Variants in CNTNAP5 observed in about 807,000 individuals in gnomAD.
The protein encoded by CNTNAP5 is contactin-associated protein-like 5.
A neutral mutation model predicts 150.2 loss-of-function variants in CNTNAP5; 72 were observed. The ratio of observed to expected loss-of-function variants is 0.48; its 90% CI spans 0.40 to 0.58. CNTNAP5 has a LOEUF of 0.58. CNTNAP5 is among the 20% of genes least tolerant of loss of function. CNTNAP5 has a pLI of 0.00. For synonymous variants in CNTNAP5, 672 were observed against 619.8 expected (o/e 1.08, Z -1.25); for missense variants, 1,636 against 1,626.2 (o/e 1.01, Z -0.10).
At chr2:124,253,922 A>C (rs773160772) in intron 3 of CNTNAP5, among the ~76,000 whole-genome samples, 91 of 152,038 alleles carry the variant, frequency 6.0e-4, no homozygotes, top group Middle Eastern at 3.4e-3. Context: ...AGTCTCTTTT[A>C]ATTCAAGTGT....
intron 3 of CNTNAP5, among the ~76,000 whole-genome samples, chr2:124,310,484 C>T (rs1453713761): frequency 2.6e-5 from 4 of 152,150 alleles, no homozygotes; most frequent in African/African-American, 9.7e-5. Context: ...CTTCCCATTA[C>T]AGTTTAATTT....
intron 11 of CNTNAP5, among the ~76,000 whole-genome samples, chr2:124,565,745 G>A (rs978006059): frequency 1.3e-5 from 2 of 151,674 alleles, no homozygotes; most frequent in Non-Finnish European, 2.9e-5. Context: ...GACTACAGGT[G>A]CCCACCACCA....
chr2:124,408,745 T>C (rs1458689267), intron 3 of CNTNAP5, among the ~76,000 whole-genome samples: 1 of 150,588 alleles, frequency 6.6e-6, no homozygotes, highest in East Asian at 2.0e-4. Flanking sequence ...TACATCACCA[T>C]CATCAAAGAC....
chr2:124,769,844 C>T (rs1363822224), intron 16 of CNTNAP5, among the ~76,000 whole-genome samples: 1 of 152,158 alleles, frequency 6.6e-6, no homozygotes, highest in African/African-American at 2.4e-5. Context: ...GTACAGCTTA[C>T]TACCTGTACC....
intron 10 of CNTNAP5, among the ~76,000 whole-genome samples, chr2:124,540,809 C>T (rs1695363500): frequency 6.6e-6 from 1 of 152,066 alleles, no homozygotes; most frequent in Admixed American, 6.6e-5. Context: ...CTTCAGAAAG[C>T]TCCATGGAAG....
intron 10 of CNTNAP5, among the ~76,000 whole-genome samples, chr2:124,551,540 T>C (rs1312988543): frequency 1.3e-5 from 2 of 152,188 alleles, no homozygotes; most frequent in African/African-American, 2.4e-5. Context: ...TTTTAATGTA[T>C]GCGCTTCATA....
chr2:124,707,299 G>A (rs1679711630), intron 13 of CNTNAP5, among the ~76,000 whole-genome samples: 1 of 152,174 alleles, frequency 6.6e-6, no homozygotes, highest in Admixed American at 6.5e-5. Flanking sequence ...TCTGGCAAGA[G>A]AGAAAAGATG....
intron 1 of CNTNAP5, among the ~76,000 whole-genome samples, chr2:124,079,546 C>A (rs943409977): frequency 1.3e-5 from 2 of 152,066 alleles, no homozygotes; most frequent in Non-Finnish European, 2.9e-5. Flanking sequence ...TTGTACAAAT[C>A]GTTTCAAACA....
intron 7 of CNTNAP5, among the ~76,000 whole-genome samples, chr2:124,479,168 A>G (rs926826990): frequency 4.4e-4 from 67 of 152,242 alleles, no homozygotes; most frequent in East Asian, 3.8e-4. Flanking sequence ...ACAGCACTAT[A>G]TAATAAACAA....
chr2:124,572,471 A>G lies in CNTNAP5; in HGVS notation c.1756+9148A>G, dbSNP rs138087530. ...TACCCCCAAACCGAAAATAAAATTT[A>G]AAAAGGAAGAAAGTCTTCTTAAAGA... is the stretch of plus-strand genomic sequence containing the variant. On this transcript the variant is annotated intron_variant, in intron 11 of 23. Transcript: ENST00000682447. 1.4e-3 allele frequency among the ~76,000 whole-genome samples: 216 copies of G among 152,326 alleles called. 1 individual carries two copies. Among genetic ancestry groups the G allele is most frequent in the African/African-American group, 5.0e-3 (208 of 41,576 alleles).
At position 124,312,351 on chromosome 2, in the gene CNTNAP5, ATTT is replaced by A. The variant is rs1688850466; in HGVS notation, c.381+69962_381+69964del. 2.0e-5 allele frequency among the ~76,000 whole-genome samples: 3 copies of A among 151,888 alleles called. No homozygotes were observed. The South Asian group carries it at 6.2e-4, about 32-fold the overall frequency. On this transcript the variant is annotated intron_variant, in intron 3 of 23. Transcript: ENST00000682447. Reference sequence around the variant, plus strand: ...ATGAGTTATTTCTTTTTTTATTTTTATTTTTTATTTTTCTGAGATGGAGTTTCA... The same window carrying A: ...ATGAGTTATTTCTTTTTTTATTTTTATTTATTTTTCTGAGATGGAGTTTCA...
rs1678754246 is a variant in CNTNAP5 at position 124,915,769 on chromosome 2, G to T, written c.*1481G>T. Among the ~76,000 whole-genome samples, 1 of 151,986 alleles carries T rather than the reference G, an allele frequency of 6.6e-6. No individual in the cohort carries two copies. The highest frequency in any genetic ancestry group is 2.1e-4 in the South Asian group (1 of 4,828). On this transcript the variant is annotated 3_prime_UTR_variant, in exon 24 of 24. Transcript: ENST00000682447. Reference sequence around the variant, plus strand: ...CCTTGAGCTCATCCATGGGGTGGCGGTAAAGATCTTAATGATTTTTCTGTG... The same window carrying T: ...CCTTGAGCTCATCCATGGGGTGGCGTTAAAGATCTTAATGATTTTTCTGTG...
chr2:124,028,791 T>C (rs75365494), intron 1 of CNTNAP5, among the ~76,000 whole-genome samples: 10,930 of 152,194 alleles, frequency 0.072, 530 homozygotes, highest in Non-Finnish European at 0.11. Flanking sequence ...CAAATACCTA[T>C]TATGTTATTC....
chr2:124,517,525 G>T (rs1694750888), intron 8 of CNTNAP5, among the ~76,000 whole-genome samples: 1 of 150,736 alleles, frequency 6.6e-6, no homozygotes, highest in Non-Finnish European at 1.5e-5. Flanking sequence ...ATCGTTCTTT[G>T]TGGTGTTGGT....
chr2:124,285,128 G>A (rs1003147004), intron 3 of CNTNAP5, among the ~76,000 whole-genome samples: 4 of 152,056 alleles, frequency 2.6e-5, no homozygotes, highest in Non-Finnish European at 4.4e-5. Context: ...GTTTTCCACC[G>A]GGCAACTTGA....
In CNTNAP5 at chr2:124,086,119, C is replaced by T. The variant is rs377556763; in HGVS notation, c.82+60387C>T. ...TGTCTATTTCTCCTTTCAGTTCTAT[C>T]GATAGAACTGTTTTATCAGTTCTAT... On this transcript the variant is annotated intron_variant, in intron 1 of 23. Coordinates refer to ENST00000682447, the MANE Select transcript of CNTNAP5 (RefSeq NM_001367498.1). Among the ~76,000 whole-genome samples, 30 of 150,052 alleles carry T rather than the reference C, an allele frequency of 2.0e-4. 2 individuals carry two copies. In the South Asian group the frequency reaches 5.9e-3, roughly 30 times the overall value.
At chr2:124,036,956 G>A (rs578153708) in intron 1 of CNTNAP5, among the ~76,000 whole-genome samples, 4 of 152,274 alleles carry the variant, frequency 2.6e-5, no homozygotes, top group Non-Finnish European at 4.4e-5. Context: ...CTTAGCTATT[G>A]TTAAACTCCA....
intron 1 of CNTNAP5, among the ~76,000 whole-genome samples, chr2:124,067,723 G>C (rs895198963): frequency 1.3e-5 from 2 of 152,116 alleles, no homozygotes; most frequent in South Asian, 2.1e-4. Context: ...TTCAGAAAAA[G>C]TGTTAAGGCT....
At chr2:124,224,976 T>C (rs1227730764) in intron 2 of CNTNAP5, among the ~76,000 whole-genome samples, 6 of 152,144 alleles carry the variant, frequency 3.9e-5, no homozygotes, top group Non-Finnish European at 8.8e-5. Flanking sequence ...CTTTAAAACT[T>C]ATCTTTTGTT....
Sources: gnomAD v4.1 joint callset for allele counts (sites outside exome capture counted in the v4.1 genomes callset) on GRCh38, gnomAD v4.1.1 for gene constraint, MANE v1.5 for transcripts, NCBI Gene and HGNC (gene_info 2026-07-23, HGNC 2026-07-21) for gene names.